LRP5: variants seen among roughly 807,000 people sequenced by gnomAD.
LRP5 encodes low-density lipoprotein receptor-related protein 5.
LRP5 carries 62 observed loss-of-function variants against 154.1 expected under a neutral mutation model. The ratio of observed to expected loss-of-function variants is 0.40; its 90% CI spans 0.33 to 0.50. The LOEUF (loss-of-function observed/expected upper bound fraction) is 0.50. LRP5 is among the 20% of genes least tolerant of loss of function. The pLI is 0.55. For synonymous variants in LRP5, 966 were observed against 1,011.5 expected (o/e 0.96, Z 0.85); for missense variants, 1,915 against 2,336.7 (o/e 0.82, Z 3.72).
intron 2 of LRP5, among the ~76,000 whole-genome samples, chr11:68,355,816 G>A (rs1206921621): frequency 6.6e-6 from 1 of 152,036 alleles, no homozygotes; most frequent in Non-Finnish European, 1.5e-5. Flanking sequence ...GCAGCTGCAG[G>A]TTCAGGGTCC....
chr11:68,395,597 G>C (rs1202008567), intron 7 of LRP5, among the ~76,000 whole-genome samples: 1 of 152,040 alleles, frequency 6.6e-6, no homozygotes, highest in African/African-American at 2.4e-5. Context: ...TCTAAGAGGG[G>C]GATACATTGC....
intron 1 of LRP5, among the ~76,000 whole-genome samples, chr11:68,321,058 GTTTTT>G (rs36049256): frequency 2.5e-5 from 3 of 119,798 alleles, no homozygotes; most frequent in African/African-American, 3.5e-5. Context: ...TTCTGTCTGG[GTTTTT>G]TTTTTTTTTT....
chr11:68,333,388 CAG>C (rs2098603988), intron 1 of LRP5, among the ~76,000 whole-genome samples: 1 of 152,208 alleles, frequency 6.6e-6, no homozygotes, highest in Non-Finnish European at 1.5e-5. Flanking sequence ...TCTTGGCAAA[CAG>C]GTGTATGATT....
At chr11:68,396,602 C>A (rs2098649502) in intron 7 of LRP5, among the ~76,000 whole-genome samples, 1 of 152,202 alleles carries the variant, frequency 6.6e-6, no homozygotes, top group South Asian at 2.1e-4. Flanking sequence ...GAGACGCCCA[C>A]AACAGATTTA....
At chr11:68,390,374 C>T (rs925295086) in intron 7 of LRP5, among the ~76,000 whole-genome samples, 2 of 152,228 alleles carry the variant, frequency 1.3e-5, no homozygotes, top group African/African-American at 4.8e-5. Context: ...ATCCTCTGCA[C>T]TGCTTTTGCC....
At position 68,439,788 on chromosome 11, in the gene LRP5, G is replaced by A. The variant is rs888302919; in HGVS notation, c.4360G>A (p.Gly1454Arg). The stretch of plus-strand genomic sequence containing the variant: ...CCCTTCCCTGCCAGGCATCGCATGC[G>A]GAAAGTCCATGATGAGCTCCGTGAG... ...QHGPFTGIACGKSMMSSVSLM... is the reference protein window; with the variant it reads ...QHGPFTGIACRKSMMSSVSLM... Residue 1454 changes from glycine (G) to arginine (R), a missense_variant, in exon 21 of 23, where the codon GGA becomes AGA. Gly to Arg is a moderately radical substitution (Grantham distance 125). This residue lies in a region of LRP5 where 1,094 missense variants were observed against 1,210.1 expected (regional missense o/e 0.90). Transcript: ENST00000294304. 8 of 1,611,420 alleles carry A rather than the reference G, an allele frequency of 5.0e-6. No homozygotes were observed. The East Asian group carries it at 1.1e-4, about 22-fold the overall frequency.
In LRP5 at chr11:68,423,673, C is replaced by T; in HGVS notation, c.3212C>T (p.Ala1071Val). Residue 1071 changes from alanine (A) to valine (V), a missense_variant, in exon 14 of 23, where the codon GCC (alanine) becomes GTC (valine). Ala to Val is a moderately conservative substitution (Grantham distance 64, BLOSUM62 0). This residue lies in a region of LRP5 where 1,094 missense variants were observed against 1,210.1 expected (regional missense o/e 0.90). Coordinates refer to ENST00000294304, the MANE Select transcript of LRP5 (RefSeq NM_002335.4). The surrounding 1 kb of genome is among the most constrained non-coding windows in gnomAD (Gnocchi z 4.7). ...VLRGDRDKPRAIVVNAERGYL... is the reference protein window; with the variant it reads ...VLRGDRDKPRVIVVNAERGYL... ...CGTGGGGACCGCGACAAGCCCAGGG[C>T]CATCGTCGTCAACGCGGAGCGAGGG... is the stretch of plus-strand genomic sequence containing the variant. 1.9e-6 allele frequency: 3 copies of T among 1,613,288 alleles called. No homozygotes were observed.
rs530213286 is a variant in LRP5, at chr11:68,360,724, G to T, written c.686+2877G>T. On this transcript the variant is annotated intron_variant, in intron 3 of 22. Transcript: ENST00000294304. ...TGAAAAATGGCCACATGGGCTGGGC[G>T]CCATGGCTTACGCGTGTAATCCCAG... 2.0e-5 allele frequency among the ~76,000 whole-genome samples: 3 copies of T among 152,344 alleles called. No homozygotes were observed. In the East Asian group the frequency reaches 5.8e-4, roughly 29 times the overall value.
intron 3 of LRP5, among the ~76,000 whole-genome samples, chr11:68,359,978 G>A (rs1170130455): frequency 6.6e-6 from 1 of 151,916 alleles, no homozygotes; most frequent in Admixed American, 6.6e-5. Flanking sequence ...TAGTAGGGAC[G>A]GGGTTTCACC....
chr11:68,312,702 G>A lies in LRP5; in HGVS notation c.-13G>A, dbSNP rs1305027416. 3.0e-6 allele frequency: 3 copies of A among 1,011,444 alleles called. No individual in the cohort carries two copies. The African/African-American group carries it at 5.3e-5, about 18-fold the overall frequency. The allele number at this position is 1,011,444 out of a possible 1,614,324, so 62.7% of individuals were successfully genotyped here. A position where few individuals can be genotyped will look rare whatever the true frequency, so the allele number is the denominator to read the frequency against. ...AGTGAGCGCGGCGCGGGCCCGTCCG[G>A]CCGCCGGACAACATGGAGGCAGCGC... is the stretch of plus-strand genomic sequence containing the variant. On this transcript the variant is annotated 5_prime_UTR_variant, in exon 1 of 23. Coordinates refer to ENST00000294304, the MANE Select transcript of LRP5 (RefSeq NM_002335.4).
At chr11:68,409,095 T>TATATAC (rs1311618305) in intron 9 of LRP5, among the ~76,000 whole-genome samples, 2 of 27,750 alleles carry the variant, frequency 7.2e-5, no homozygotes, top group African/African-American at 9.4e-5. Context: ...TATATATATA[T>TATATAC]ACACACACAT....
Position 68,368,064 on chromosome 11 carries a change from C to CAA in LRP5, c.1015+2380_1015+2381dup, listed in dbSNP as rs35969123. ...TGGGCAACAGAGTGAGACCCTGTCT[C>CAA]AAAAAAAAAAAAAAAAAAATGCAGC... is the stretch of plus-strand genomic sequence containing the variant. On this transcript the variant is annotated intron_variant, in intron 5 of 22. Coordinates refer to ENST00000294304, the MANE Select transcript of LRP5 (RefSeq NM_002335.4). Among the ~76,000 whole-genome samples the CAA allele has an allele frequency of 8.6e-3, 814 of 94,602 alleles. 8 individuals carry two copies. The highest frequency in any genetic ancestry group is 0.031 in the African/African-American group (754 of 24,220). 62.1% of individuals were successfully genotyped at this position (94,602 alleles called of 152,430 possible). A position where few individuals can be genotyped will look rare whatever the true frequency, so the allele number is the denominator to read the frequency against.
At chr11:68,385,704 G>C (rs569132646) in intron 5 of LRP5, among the ~76,000 whole-genome samples, 71 of 152,046 alleles carry the variant, frequency 4.7e-4, no homozygotes, top group African/African-American at 1.7e-3. Flanking sequence ...GGTGGCCTGG[G>C]AGCATCTGGG....
In LRP5 at chr11:68,433,751, T is replaced by TGC; in HGVS notation, c.3919_3920dup (p.Gln1309ValfsTer131). 6.2e-7 allele frequency: 1 copy of TGC among 1,612,756 alleles called. No individual in the cohort carries two copies. Among genetic ancestry groups the TGC allele is most frequent in the Non-Finnish European group, 8.5e-7 (1 of 1,179,846 alleles). On this transcript the variant is annotated frameshift_variant, in exon 18 of 23. Transcript: ENST00000294304. LOFTEE classifies it high-confidence loss of function. The stretch of plus-strand genomic sequence containing the variant: ...CGTGTGCTCCGCCGCCCAGTTCCCC[T>TGC]GCGCGCGGGGTCAGTGTGTGGACCT...
rs987727844 is a variant in LRP5, at chr11:68,347,986, G to T, written c.231G>T (p.Val77=). ...AVDFQFSKGA[V]YWTDVSEEAI... Reference sequence around the variant, plus strand: ...ACTTCCAGTTTTCCAAGGGAGCCGTGTACTGGACAGACGTGAGCGAGGAGG... The same window carrying T: ...ACTTCCAGTTTTCCAAGGGAGCCGTTTACTGGACAGACGTGAGCGAGGAGG... Residue 77 remains valine (V), a synonymous_variant, in exon 2 of 23, where the codon GTG becomes GTT. Coordinates refer to ENST00000294304, the MANE Select transcript of LRP5 (RefSeq NM_002335.4). 1 of 1,614,178 alleles carries T rather than the reference G, an allele frequency of 6.2e-7. No individual in the cohort carries two copies. The highest frequency in any genetic ancestry group is 2.2e-5 in the East Asian group (1 of 44,882).
At chr11:68,387,936 G>T (rs986301901) in intron 6 of LRP5, among the ~76,000 whole-genome samples, 11 of 152,222 alleles carry the variant, frequency 7.2e-5, no homozygotes, top group Non-Finnish European at 1.5e-4. Context: ...GTGGGCTGTG[G>T]AGCCTGTGCT....
At chr11:68,371,667 C>T (rs1377670484) in intron 5 of LRP5, among the ~76,000 whole-genome samples, 5 of 152,380 alleles carry the variant, frequency 3.3e-5, no homozygotes, top group South Asian at 2.1e-4. Context: ...TGGCTGCTGA[C>T]GGGACGCCTC....
At chr11:68,327,791 G>A (rs746068588) in intron 1 of LRP5, among the ~76,000 whole-genome samples, 30 of 152,112 alleles carry the variant, frequency 2.0e-4, no homozygotes, top group Non-Finnish European at 1.8e-4. Flanking sequence ...GGTTTCCCCC[G>A]GACGGAATGT....
chr11:68,403,515 C>T lies in LRP5; in HGVS notation c.1617C>T (p.Thr539=), dbSNP rs972629478. The T allele has an allele frequency of 2.0e-5, 32 of 1,614,044 alleles. No homozygotes were observed. The highest frequency in any genetic ancestry group is 3.3e-4 in the Middle Eastern group (2 of 6,084). ...VINVDGTKRR[T]LLEDKLPHIF... is the part of the protein sequence containing the mutation. ...ATGTTGATGGGACGAAGAGGCGGAC[C>T]CTCCTGGAGGACAAGCTCCCGCACA... The change falls in exon 8 of 23, where the codon ACC becomes ACT. Residue 539 remains threonine (T), a synonymous_variant. Transcript: ENST00000294304.
Sources: gnomAD v4.1 joint callset for allele counts (sites outside exome capture counted in the v4.1 genomes callset) on GRCh38, gnomAD v4.1.1 for gene constraint, gnomAD v4.1.1 regional missense constraint, Gnocchi (gnomAD v3.1) non-coding constraint, MANE v1.5 for transcripts, NCBI Gene and HGNC (gene_info 2026-07-23, HGNC 2026-07-21) for gene names.